BCAS3: variants seen among roughly 807,000 people sequenced by gnomAD.
The protein encoded by BCAS3 is BCAS3 microtubule associated cell migration factor, also known as BCAS4/BCAS3 fusion.
Under a neutral mutation model 116.1 loss-of-function variants are expected in BCAS3, and 53 were observed. The observed-to-expected ratio is 0.46, with a 90% CI of 0.37 to 0.57. The LOEUF is 0.57. Ranked by LOEUF, BCAS3 falls within the 20% of genes least tolerant of loss-of-function variation. The pLI, the probability that BCAS3 is intolerant of heterozygous loss-of-function variation, is 0.00. For synonymous variants in BCAS3, 391 were observed against 408.2 expected, an observed-to-expected ratio of 0.96 and a Z score of 0.51; for missense variants, 917 against 1,165.4, an observed-to-expected ratio of 0.79 and a Z score of 3.10.
intron 16 of BCAS3, among the ~76,000 whole-genome samples, chr17:61,025,639 C>T (rs2066186922): frequency 6.6e-6 from 1 of 152,082 alleles, no homozygotes; most frequent in African/African-American, 2.4e-5. Flanking sequence ...ATGCTGACAT[C>T]GTACCGCTGG....
chr17:60,714,258 A>C (rs568925719), intron 5 of BCAS3, among the ~76,000 whole-genome samples: 1 of 152,316 alleles, frequency 6.6e-6, no homozygotes, highest in South Asian at 2.1e-4. Context: ...GTAAGCCATC[A>C]TGCCTGGCCA....
intron 12 of BCAS3, among the ~76,000 whole-genome samples, chr17:60,922,196 A>C (rs2059139233): frequency 6.6e-6 from 1 of 151,920 alleles, no homozygotes. Flanking sequence ...GCACGATCTC[A>C]GCTCACTGCA....
intron 14 of BCAS3, among the ~76,000 whole-genome samples, chr17:60,970,281 G>T (rs958020356): frequency 6.6e-6 from 1 of 151,988 alleles, no homozygotes; most frequent in Non-Finnish European, 1.5e-5. Context: ...AATGAAAATG[G>T]CATACTAAAA....
chr17:60,690,868 C>T (rs761417632), intron 4 of BCAS3, among the ~76,000 whole-genome samples: 2 of 151,884 alleles, frequency 1.3e-5, no homozygotes, highest in Non-Finnish European at 2.9e-5. Context: ...TGCAGTGAGC[C>T]GAGATTGTGC....
rs949424182 is a variant in BCAS3, at chr17:61,149,505, C to T, written c.2425+64941C>T. 2.0e-5 allele frequency among the ~76,000 whole-genome samples: 3 copies of T among 152,084 alleles called. No individual in the cohort carries two copies. The East Asian group carries it at 5.8e-4, about 29-fold the overall frequency. ...GAAAATGAAAATAGATTTTTAATGG[C>T]AACTTTGGTTCTTAGCATTAATTTT... On this transcript the variant is annotated intron_variant, in intron 22 of 23. Transcript: ENST00000407086.
intron 8 of BCAS3, among the ~76,000 whole-genome samples, chr17:60,874,080 AT>A (rs1399636639): frequency 6.6e-6 from 1 of 151,948 alleles, no homozygotes; most frequent in Non-Finnish European, 1.5e-5. Flanking sequence ...GTGTATTCAT[AT>A]TTTTAGAGAC....
At chr17:60,917,984 T>A (rs2058864400) in intron 12 of BCAS3, among the ~76,000 whole-genome samples, 1 of 152,200 alleles carries the variant, frequency 6.6e-6, no homozygotes, top group Non-Finnish European at 1.5e-5. Context: ...GTTATGTACC[T>A]AAAAGTCAAA....
chr17:60,824,758 T>C (rs1044901319), intron 7 of BCAS3, among the ~76,000 whole-genome samples: 5 of 152,234 alleles, frequency 3.3e-5, no homozygotes, highest in African/African-American at 9.6e-5. Context: ...TTTCTAGTTA[T>C]GCTGTGTTGT....
At chr17:61,107,526 C>T (rs1346275834) in intron 22 of BCAS3, among the ~76,000 whole-genome samples, 1 of 152,230 alleles carries the variant, frequency 6.6e-6, no homozygotes, top group East Asian at 1.9e-4. Context: ...CCACCACCAT[C>T]TCTGACCCCT....
chr17:61,064,750 T>A (rs749291265), intron 19 of BCAS3, among the ~76,000 whole-genome samples: 10 of 152,228 alleles, frequency 6.6e-5, no homozygotes, highest in Non-Finnish European at 1.5e-4. Context: ...ACCAGAGATG[T>A]ACAATACTGA....
intron 10 of BCAS3, among the ~76,000 whole-genome samples, chr17:60,898,073 G>C (rs1376205804): frequency 6.6e-6 from 1 of 151,778 alleles, no homozygotes; most frequent in African/African-American, 2.4e-5. Context: ...AAAATTATCT[G>C]TCTCTTTGGT....
At chr17:60,712,140 G>A (rs1335153549) in intron 5 of BCAS3, among the ~76,000 whole-genome samples, 1 of 152,064 alleles carries the variant, frequency 6.6e-6, no homozygotes, top group African/African-American at 2.4e-5. Context: ...ACTCCAGCCT[G>A]GGTGACAGAG....
chr17:61,092,974 C>T (rs1328680869), intron 22 of BCAS3, among the ~76,000 whole-genome samples: 2 of 136,910 alleles, frequency 1.5e-5, no homozygotes, highest in African/African-American at 5.6e-5. Flanking sequence ...GGCATGATCT[C>T]GGCTCACTGC....
At chr17:60,825,463 G>A (rs1438576698) in intron 7 of BCAS3, among the ~76,000 whole-genome samples, 1 of 148,394 alleles carries the variant, frequency 6.7e-6, no homozygotes, top group Admixed American at 6.7e-5. Context: ...TCCTTGCACT[G>A]TAACAAAATA....
chr17:61,133,222 G>A (rs1198446079), intron 22 of BCAS3, among the ~76,000 whole-genome samples: 2 of 152,138 alleles, frequency 1.3e-5, no homozygotes, highest in African/African-American at 4.8e-5. Context: ...TCTGATGAAC[G>A]TCTGAGATTA....
At chr17:61,240,172 A>C (rs543019620) in intron 22 of BCAS3, among the ~76,000 whole-genome samples, 1 of 152,186 alleles carries the variant, frequency 6.6e-6, no homozygotes, top group East Asian at 1.9e-4. Flanking sequence ...TATCATAGGC[A>C]CTCCTCTAGG....
In BCAS3 at chr17:61,124,429, A is replaced by G. The variant is rs1431186738; in HGVS notation, c.2425+39865A>G. 6.6e-6 allele frequency among the ~76,000 whole-genome samples: 1 copy of G among 152,178 alleles called. No homozygotes were observed. The highest frequency in any genetic ancestry group is 1.9e-4 in the East Asian group (1 of 5,198). ...CATCTTTTTATTTAGTTTGTTAACT[A>G]CATTCTATTGTAGAACTGTTCTTAT... On this transcript the variant is annotated intron_variant, in intron 22 of 23. Coordinates refer to ENST00000407086, the MANE Select transcript of BCAS3 (RefSeq NM_017679.5). The surrounding 1 kb of genome is among the most constrained non-coding windows in gnomAD (Gnocchi z 4.6).
intron 16 of BCAS3, among the ~76,000 whole-genome samples, chr17:61,030,070 G>A (rs1015618760): frequency 2.6e-5 from 4 of 151,942 alleles, no homozygotes; most frequent in Admixed American, 1.3e-4. Context: ...TTGAGAATGA[G>A]AAAAAACTTC....
At position 61,134,576 on chromosome 17, in the gene BCAS3, A is replaced by T. The variant is rs2076518583; in HGVS notation, c.2425+50012A>T. Among the ~76,000 whole-genome samples the T allele has an allele frequency of 6.6e-6, 1 of 152,196 alleles. No homozygotes were observed. Among genetic ancestry groups the T allele is most frequent in the Non-Finnish European group, 1.5e-5 (1 of 68,036 alleles). On this transcript the variant is annotated intron_variant, in intron 22 of 23. Transcript: ENST00000407086. The surrounding 1 kb of genome is among the most constrained non-coding windows in gnomAD (Gnocchi z 4.6). ...TCTAGAATTATAGGAAAGTATTTTAAAGTCGAGAGAACTGTGTTATGGTGG... is the reference window on the plus strand; with the variant it reads ...TCTAGAATTATAGGAAAGTATTTTATAGTCGAGAGAACTGTGTTATGGTGG...
Sources: gnomAD v4.1 joint callset for allele counts (sites outside exome capture counted in the v4.1 genomes callset) on GRCh38, gnomAD v4.1.1 for gene constraint, Gnocchi (gnomAD v3.1) non-coding constraint, MANE v1.5 for transcripts, NCBI Gene and HGNC (gene_info 2026-07-23, HGNC 2026-07-21) for gene names.